The following ANKS1B variants were observed in gnomAD, a reference collection of about 807,000 sequenced individuals.
The protein encoded by ANKS1B is ankyrin repeat and sterile alpha motif domain containing 1B, also known as ankyrin repeat and sterile alpha motif domain-containing protein 1B.
ANKS1B carries 36 observed loss-of-function variants against 148.3 expected under a neutral mutation model. The observed-to-expected ratio is 0.24, with a 90% CI of 0.19 to 0.32. The LOEUF is 0.32. ANKS1B is among the 10% of genes least tolerant of loss of function. The pLI is 1.00. For missense variants in ANKS1B, 1,157 were observed against 1,542.6 expected, an observed-to-expected ratio of 0.75 and a Z score of 4.19; for synonymous variants, 542 against 560.8, an observed-to-expected ratio of 0.97 and a Z score of 0.47.
chr12:99,643,344 G>A (rs1045710101), intron 9 of ANKS1B, among the ~76,000 whole-genome samples: 2 of 152,048 alleles, frequency 1.3e-5, no homozygotes, highest in Admixed American at 6.6e-5. Context: ...AAAGTTATTC[G>A]CTCCTAAAAT....
chr12:98,782,471 T>C (rs2098747241), intron 22 of ANKS1B, among the ~76,000 whole-genome samples: 1 of 152,198 alleles, frequency 6.6e-6, no homozygotes, highest in Admixed American at 6.5e-5. Context: ...CAGGAAAAAA[T>C]AGAAACTTTC....
rs1018863608 is a variant in ANKS1B at position 99,659,665 on chromosome 12, T to C, written c.1129-4455A>G. ...GTGTTTGTGTGTCTGTGTGTGTGCA[T>C]GTGTGTATGTGTAAATTATATGACA... On this transcript the variant is annotated intron_variant, in intron 8 of 26. Coordinates refer to ENST00000683438, the MANE Select transcript of ANKS1B (RefSeq NM_001352186.2). 4.2e-5 allele frequency among the ~76,000 whole-genome samples: 5 copies of C among 118,578 alleles called. No individual in the cohort carries two copies. In the South Asian group the frequency reaches 1.9e-3, roughly 45 times the overall value. 77.8% of individuals were successfully genotyped at this position (118,578 alleles called of 152,430 possible). A position where few individuals can be genotyped will look rare whatever the true frequency, so the allele number is the denominator to read the frequency against.
intron 14 of ANKS1B, among the ~76,000 whole-genome samples, chr12:99,242,261 A>G (rs1406524477): frequency 2.6e-5 from 4 of 152,230 alleles, no homozygotes; most frequent in African/African-American, 9.6e-5. Flanking sequence ...AGACAAACAG[A>G]AAGTCAAAAC....
chr12:99,362,191 C>A (rs1360117626), intron 12 of ANKS1B, among the ~76,000 whole-genome samples: 1 of 151,932 alleles, frequency 6.6e-6, no homozygotes, highest in Non-Finnish European at 1.5e-5. Context: ...ACAACTATAA[C>A]CTTAGCAATT....
chr12:99,193,737 C>T (rs1486927096), intron 14 of ANKS1B, among the ~76,000 whole-genome samples: 1 of 150,732 alleles, frequency 6.6e-6, no homozygotes, highest in Non-Finnish European at 1.5e-5. Flanking sequence ...TCTACTCAGC[C>T]ACTGAATCTC....
At chr12:99,193,024 T>C (rs1243383237) in intron 14 of ANKS1B, among the ~76,000 whole-genome samples, 2 of 152,234 alleles carry the variant, frequency 1.3e-5, no homozygotes, top group Non-Finnish European at 2.9e-5. Context: ...TATTCTGTCT[T>C]CCATCTCTTA....
At chr12:98,910,641 G>C (rs1224343642) in intron 17 of ANKS1B, among the ~76,000 whole-genome samples, 1 of 152,190 alleles carries the variant, frequency 6.6e-6, no homozygotes, top group Non-Finnish European at 1.5e-5. Context: ...ATCAGCAGAG[G>C]AAACAATCCC....
intron 1 of ANKS1B, among the ~76,000 whole-genome samples, chr12:99,983,138 A>G (rs1330904382): frequency 6.6e-6 from 1 of 152,228 alleles, no homozygotes; most frequent in Non-Finnish European, 1.5e-5. Flanking sequence ...ATGAATGACA[A>G]TTGATGACTC....
At chr12:99,667,158 C>A (rs1382798402) in intron 8 of ANKS1B, among the ~76,000 whole-genome samples, 3 of 151,854 alleles carry the variant, frequency 2.0e-5, no homozygotes, top group African/African-American at 7.3e-5. Context: ...CAAGCCTGGC[C>A]AACATGATGA....
At chr12:99,746,052 A>G (rs374355234) in intron 8 of ANKS1B, among the ~76,000 whole-genome samples, 1 of 152,186 alleles carries the variant, frequency 6.6e-6, no homozygotes, top group African/African-American at 2.4e-5. Context: ...AAAAAGACTC[A>G]GTTATGTAAG....
intron 9 of ANKS1B, among the ~76,000 whole-genome samples, chr12:99,511,857 C>T (rs1321643556): frequency 2.0e-5 from 3 of 151,944 alleles, no homozygotes; most frequent in Non-Finnish European, 4.4e-5. Context: ...ACTGACTAGC[C>T]ATATGCAGGA....
At chr12:99,423,589 G>T (rs892727549) in intron 11 of ANKS1B, among the ~76,000 whole-genome samples, 3 of 152,074 alleles carry the variant, frequency 2.0e-5, no homozygotes, top group Admixed American at 1.3e-4. Context: ...CAACATAAAT[G>T]CCTGTCATTG....
At chr12:99,032,515 T>G (rs2099952866) in intron 17 of ANKS1B, among the ~76,000 whole-genome samples, 1 of 152,184 alleles carries the variant, frequency 6.6e-6, no homozygotes, top group African/African-American at 2.4e-5. Flanking sequence ...CTCTTCTCTT[T>G]TGTCTGTCTT....
intron 2 of ANKS1B, among the ~76,000 whole-genome samples, chr12:99,814,810 A>G (rs2153670220): frequency 6.6e-6 from 1 of 151,976 alleles, no homozygotes; most frequent in South Asian, 2.1e-4. Context: ...AATTATATAT[A>G]CAATCAAAAG....
intron 14 of ANKS1B, among the ~76,000 whole-genome samples, chr12:99,205,441 G>A (rs1311813344): frequency 1.3e-5 from 2 of 152,018 alleles, no homozygotes; most frequent in Admixed American, 6.6e-5. Context: ...TTTTTTTGTT[G>A]TTGTTGAAAC....
At chr12:99,926,589 G>T (rs73147443) in intron 1 of ANKS1B, among the ~76,000 whole-genome samples, 24,615 of 152,152 alleles carry the variant, frequency 0.16, 2,493 homozygotes, top group Middle Eastern at 0.24. Flanking sequence ...GGCTCTCCTG[G>T]ATCTCCAGCT....
intron 8 of ANKS1B, among the ~76,000 whole-genome samples, chr12:99,749,620 A>T (rs1013399968): frequency 2.0e-5 from 3 of 152,096 alleles, no homozygotes; most frequent in Non-Finnish European, 4.4e-5. Flanking sequence ...TATATTCTAA[A>T]TATGGATATA....
chr12:99,085,129 A>G (rs1320327731), intron 15 of ANKS1B, 106 bp from the exon 16 acceptor site: 1 of 874,574 alleles, frequency 1.1e-6, no homozygotes, highest in Admixed American at 2.2e-5. Context: ...CCTGATTTTT[A>G]TGAACAAAGA....
intron 10 of ANKS1B, among the ~76,000 whole-genome samples, chr12:99,464,397 A>G (rs1368528206): frequency 2.0e-5 from 3 of 152,250 alleles, no homozygotes; most frequent in Non-Finnish European, 4.4e-5. Flanking sequence ...CTCCTCCTCC[A>G]AAGGAATGCA....
Sources: allele counts gnomAD v4.1 joint callset (sites outside exome capture counted in the v4.1 genomes callset), GRCh38; gene constraint gnomAD v4.1.1; transcripts MANE v1.5; gene names NCBI Gene and HGNC (gene_info 2026-07-23, HGNC 2026-07-21).